AAK1: variants seen among roughly 807,000 people sequenced by gnomAD.
AAK1 encodes AP2 associated kinase 1.
A neutral mutation model predicts 116.0 loss-of-function variants in AAK1; 37 were observed. That is an observed-to-expected ratio of 0.32 (90% confidence interval 0.25 to 0.42). The LOEUF (loss-of-function observed/expected upper bound fraction) is 0.42, where lower values mean the gene tolerates loss of function less well. Among genes scored for constraint, AAK1 ranks in the 10% least tolerant of loss-of-function variants. AAK1 has a pLI of 1.00. For synonymous variants in AAK1, 458 were observed against 439.9 expected, an observed-to-expected ratio of 1.04 and a Z score of -0.51; for missense variants, 919 against 1,170.6, an observed-to-expected ratio of 0.79 and a Z score of 3.14.
intron 2 of AAK1, among the ~76,000 whole-genome samples, chr2:69,571,286 G>C (rs1672085379): frequency 6.6e-6 from 1 of 152,200 alleles, no homozygotes; most frequent in Non-Finnish European, 1.5e-5. Flanking sequence ...TGATGACCTA[G>C]GAACTGTAAT....
In AAK1 at chr2:69,472,734, T is replaced by C; in HGVS notation, c.*3135A>G. On this transcript the variant is annotated 3_prime_UTR_variant, in exon 22 of 22. Coordinates refer to ENST00000409085, the MANE Select transcript of AAK1 (RefSeq NM_014911.5). ...CTGGAATAAAAGCAAATCAGAAACA[T>C]ATGCTTATAGTATTTGCCCGTTTTA... 1.0e-6 allele frequency: 1 copy of C among 985,442 alleles called. No homozygotes were observed. Among genetic ancestry groups the C allele is most frequent in the Non-Finnish European group, 1.2e-6 (1 of 829,898 alleles). The allele number at this position is 985,442 out of a possible 1,614,324, so 61.0% of individuals were successfully genotyped here. A position where few individuals can be genotyped will look rare whatever the true frequency, so the allele number is the denominator to read the frequency against.
In AAK1 at chr2:69,458,523, C is replaced by T. The variant is rs991380145; in HGVS notation, c.*17346G>A. On this transcript the variant is annotated 3_prime_UTR_variant, in exon 22 of 22. Transcript: ENST00000409085. ...TGTGTACTTGGGAACAAGGCTAAAG[C>T]CATGGCTGATTTCCCCAACCTTTTA... The T allele has an allele frequency of 2.6e-5, 4 of 152,646 alleles. No homozygotes were observed. Among genetic ancestry groups the T allele is most frequent in the Non-Finnish European group, 5.9e-5 (4 of 68,052 alleles). 9.5% of individuals were successfully genotyped at this position (152,646 alleles called of 1,614,324 possible).
Position 69,473,236 on chromosome 2 carries a change from T to G in AAK1, c.*2633A>C, listed in dbSNP as rs1674738945. ...CCAGGCCTCTTCTCCCCCGACCCTG[T>G]TCAATCCAGCTCAGGTCCCACACCT... On this transcript the variant is annotated 3_prime_UTR_variant, in exon 22 of 22. Transcript: ENST00000409085. 2 of 925,810 alleles carry G rather than the reference T, an allele frequency of 2.2e-6. No homozygotes were observed. Among genetic ancestry groups the G allele is most frequent in the Non-Finnish European group, 2.6e-6 (2 of 775,704 alleles). 57.3% of individuals were successfully genotyped at this position (925,810 alleles called of 1,614,324 possible).
chr2:69,594,834 G>A (rs1673190454), intron 2 of AAK1: 8 of 1,547,104 alleles, frequency 5.2e-6, no homozygotes, highest in Middle Eastern at 1.8e-4. Context: ...TAGACCTGCA[G>A]TTGGGCTCAA....
chr2:69,636,201 TA>T (rs143434099), intron 2 of AAK1, among the ~76,000 whole-genome samples: 21 of 150,432 alleles, frequency 1.4e-4, no homozygotes, highest in Middle Eastern at 3.5e-3. Context: ...AGATTTCTAC[TA>T]AAAAAAAACC....
Position 69,468,005 on chromosome 2 carries a change from T to C in AAK1, c.*7864A>G. On this transcript the variant is annotated 3_prime_UTR_variant, in exon 22 of 22. Coordinates refer to ENST00000409085, the MANE Select transcript of AAK1 (RefSeq NM_014911.5). ...AAATGTGTTTGTCCTCCATTTTTAT[T>C]TTCCTTTCTAACAGTTTGAATGCGT... The C allele has an allele frequency of 1.0e-6, 1 of 985,362 alleles. No homozygotes were observed. Among genetic ancestry groups the C allele is most frequent in the Non-Finnish European group, 1.2e-6 (1 of 829,948 alleles). 61.0% of individuals were successfully genotyped at this position (985,362 alleles called of 1,614,324 possible).
intron 2 of AAK1, among the ~76,000 whole-genome samples, chr2:69,594,352 T>C (rs1414238580): frequency 1.3e-5 from 2 of 152,210 alleles, no homozygotes; most frequent in Non-Finnish European, 2.9e-5. Context: ...GAGCTGTACC[T>C]CCACATCATT....
At chr2:69,596,658 G>T (rs994510994) in intron 2 of AAK1, among the ~76,000 whole-genome samples, 12 of 152,234 alleles carry the variant, frequency 7.9e-5, no homozygotes, top group African/African-American at 2.9e-4. Context: ...CTTAGATATT[G>T]CTAAGACCAT....
In AAK1 at chr2:69,458,968, G is replaced by A. The variant is rs1216629151; in HGVS notation, c.*16901C>T. On this transcript the variant is annotated 3_prime_UTR_variant, in exon 22 of 22. Coordinates refer to ENST00000409085, the MANE Select transcript of AAK1 (RefSeq NM_014911.5). The stretch of plus-strand genomic sequence containing the variant: ...GCAGGTAACACTAACTTGATTTCAA[G>A]AACATTGTCAAAACTGGGGTACACA... The A allele has an allele frequency of 6.6e-6, 1 of 152,194 alleles. No individual in the cohort carries two copies. Among genetic ancestry groups the A allele is most frequent in the Non-Finnish European group, 1.5e-5 (1 of 68,036 alleles). 9.4% of individuals were successfully genotyped at this position (152,194 alleles called of 1,614,324 possible).
Position 69,473,641 on chromosome 2 carries a change from C to A in AAK1, c.*2228G>T. The A allele has an allele frequency of 2.0e-6, 2 of 979,868 alleles. No individual in the cohort carries two copies. Among genetic ancestry groups the A allele is most frequent in the African/African-American group, 3.5e-5 (2 of 57,068 alleles). The allele number at this position is 979,868 out of a possible 1,614,324, so 60.7% of individuals were successfully genotyped here. On this transcript the variant is annotated 3_prime_UTR_variant, in exon 22 of 22. Coordinates refer to ENST00000409085, the MANE Select transcript of AAK1 (RefSeq NM_014911.5). ...AATTATGGGTAATATATGAAAAGAA[C>A]AATTTAGAGATACCTAATTTCTAAA...
In AAK1 at chr2:69,576,715, C is replaced by T. The variant is rs932284411; in HGVS notation, c.164-19737G>A. Among the ~76,000 whole-genome samples the T allele has an allele frequency of 8.5e-5, 13 of 152,222 alleles. No homozygotes were observed. In the South Asian group the frequency reaches 2.5e-3, roughly 29 times the overall value. ...AAAATGATTAGCTCAATTAACCATGCTTATGAGAAGTTTATCAAAGCCTAG... is the reference window on the plus strand; with the variant it reads ...AAAATGATTAGCTCAATTAACCATGTTTATGAGAAGTTTATCAAAGCCTAG... On this transcript the variant is annotated intron_variant, in intron 2 of 21. Coordinates refer to ENST00000409085, the MANE Select transcript of AAK1 (RefSeq NM_014911.5).
In AAK1 at chr2:69,578,609, A is replaced by G. The variant is rs186316993; in HGVS notation, c.164-21631T>C. On this transcript the variant is annotated intron_variant, in intron 2 of 21. Coordinates refer to ENST00000409085, the MANE Select transcript of AAK1 (RefSeq NM_014911.5). The stretch of plus-strand genomic sequence containing the variant: ...CACTCTGAAGTCCTAAAACGTCCCA[A>G]TCCCTCAACGTTTACATTCCCTGCT... 2.0e-5 allele frequency among the ~76,000 whole-genome samples: 3 copies of G among 151,952 alleles called. No homozygotes were observed. The East Asian group carries it at 5.8e-4, about 29-fold the overall frequency.
At chr2:69,494,841 G>C (rs1400012912) in intron 17 of AAK1, among the ~76,000 whole-genome samples, 2 of 152,120 alleles carry the variant, frequency 1.3e-5, no homozygotes, top group Non-Finnish European at 2.9e-5. Flanking sequence ...CCTGATCAAG[G>C]CAAGTGTTTG....
At chr2:69,523,975 C>T (rs1036997823) in intron 10 of AAK1, among the ~76,000 whole-genome samples, 2 of 152,248 alleles carry the variant, frequency 1.3e-5, no homozygotes, top group African/African-American at 4.8e-5. Context: ...CCTTTCCTGG[C>T]TCCCTCCCTG....
intron 2 of AAK1, among the ~76,000 whole-genome samples, chr2:69,633,902 G>GCT (rs1193290927): frequency 6.6e-6 from 1 of 152,204 alleles, no homozygotes; most frequent in Non-Finnish European, 1.5e-5. Context: ...GGGCACAGTG[G>GCT]CTCACGCCTG....
At chr2:69,480,997 A>G (rs559724981) in intron 18 of AAK1, 36 bp from the exon 19 acceptor site, 3 of 1,478,908 alleles carry the variant, frequency 2.0e-6, no homozygotes, top group African/African-American at 2.8e-5. Flanking sequence ...GGAAAGGGTA[A>G]GGGAAAGGGA....
chr2:69,514,890 C>A, intron 12 of AAK1, 141 bp from the exon 13 acceptor site: 1 of 913,358 alleles, frequency 1.1e-6, no homozygotes, highest in South Asian at 1.9e-5. Flanking sequence ...GGCCTAAAAT[C>A]TCATGATAGA....
intron 5 of AAK1, among the ~76,000 whole-genome samples, chr2:69,535,321 A>T (rs1203794069): frequency 8.5e-5 from 13 of 152,210 alleles, no homozygotes; most frequent in Non-Finnish European, 1.9e-4. Flanking sequence ...AATGTCTCAT[A>T]TAACTCCTAT....
chr2:69,615,201 T>C (rs995685769), intron 2 of AAK1, among the ~76,000 whole-genome samples: 1 of 152,196 alleles, frequency 6.6e-6, no homozygotes, highest in Non-Finnish European at 1.5e-5. Flanking sequence ...GGTGCTGTCC[T>C]TTCCATGTGG....
Sources: allele counts gnomAD v4.1 joint callset (sites outside exome capture counted in the v4.1 genomes callset), GRCh38; gene constraint gnomAD v4.1.1; transcripts MANE v1.5; gene names NCBI Gene and HGNC (gene_info 2026-07-23, HGNC 2026-07-21).